ALOX5: variants seen among roughly 807,000 people sequenced by gnomAD.
ALOX5 encodes polyunsaturated fatty acid 5-lipoxygenase.
In ALOX5, 64 loss-of-function variants were observed where a neutral mutation model predicts 87.9. The observed-to-expected ratio is 0.73, with a 90% CI of 0.60 to 0.90. The LOEUF is 0.90. Among genes scored for constraint, ALOX5 ranks in the 40% least tolerant of loss-of-function variants. The pLI is 0.00. For missense variants in ALOX5, 822 were observed against 907.5 expected (o/e 0.91, Z 1.21); for synonymous variants, 388 against 355.1 (o/e 1.09, Z -1.04).
At chr10:45,405,759 CA>C (rs1840861489) in intron 3 of ALOX5, among the ~76,000 whole-genome samples, 2 of 141,284 alleles carry the variant, frequency 1.4e-5, no homozygotes, top group Admixed American at 7.2e-5. Context: ...TTTTTTGAGA[CA>C]GAGTCTTGCT....
At chr10:45,423,896 G>C (rs941274988) in intron 4 of ALOX5, 145 bp from the exon 5 acceptor site, 1 of 686,714 alleles carries the variant, frequency 1.5e-6, no homozygotes, top group African/African-American at 1.8e-5. Flanking sequence ...TTTCTGACCT[G>C]GTTCTGAAAA....
chr10:45,376,161 G>A (rs1040018150), intron 1 of ALOX5, among the ~76,000 whole-genome samples: 4 of 152,172 alleles, frequency 2.6e-5, no homozygotes, highest in African/African-American at 9.7e-5. Flanking sequence ...AAAGAGTGAA[G>A]GCACTGTTTT....
intron 3 of ALOX5, among the ~76,000 whole-genome samples, chr10:45,400,327 C>T (rs1480092502): frequency 3.3e-5 from 5 of 152,282 alleles, no homozygotes; most frequent in African/African-American, 4.8e-5. Context: ...ATGCCAAGCG[C>T]GGAGGCTCAC....
intron 3 of ALOX5, among the ~76,000 whole-genome samples, chr10:45,402,891 G>A (rs1840752146): frequency 6.6e-6 from 1 of 152,178 alleles, no homozygotes; most frequent in East Asian, 1.9e-4. Flanking sequence ...TACAAAAGGT[G>A]TTCAACTTCA....
intron 7 of ALOX5, among the ~76,000 whole-genome samples, chr10:45,429,527 C>T (rs1393166194): frequency 6.6e-6 from 1 of 152,226 alleles, no homozygotes; most frequent in Non-Finnish European, 1.5e-5. Context: ...AATCCCTTAC[C>T]CTCGATTCTA....
intron 2 of ALOX5, among the ~76,000 whole-genome samples, chr10:45,395,013 G>T (rs1840445763): frequency 6.6e-6 from 1 of 152,234 alleles, no homozygotes; most frequent in South Asian, 2.1e-4. Context: ...TGGTGGGACT[G>T]TAAACTAGTT....
At chr10:45,420,071 T>C (rs570501313) in intron 4 of ALOX5, among the ~76,000 whole-genome samples, 34 of 152,340 alleles carry the variant, frequency 2.2e-4, no homozygotes, top group Non-Finnish European at 1.3e-4. Context: ...AAAGCACTCA[T>C]AGGAACCACT....
chr10:45,401,322 C>A (rs1358552214), intron 3 of ALOX5, among the ~76,000 whole-genome samples: 1 of 151,886 alleles, frequency 6.6e-6, no homozygotes, highest in Non-Finnish European at 1.5e-5. Flanking sequence ...GAACTTCTTA[C>A]AAGGAATATG....
chr10:45,387,933 G>A (rs1311592124), intron 2 of ALOX5, among the ~76,000 whole-genome samples: 1 of 152,240 alleles, frequency 6.6e-6, no homozygotes, highest in Non-Finnish European at 1.5e-5. Flanking sequence ...TCATCTCACT[G>A]GGGATTGTTG....
rs1564451816 is a variant in ALOX5, at chr10:45,443,720, CA to C, written c.1574-7del. 1 of 1,610,604 alleles carries C rather than the reference CA, an allele frequency of 6.2e-7. No homozygotes were observed. The highest frequency in any genetic ancestry group is 1.3e-5 in the African/African-American group (1 of 74,766). ...CTGGGCCTCAGCCCGCCGGTGGTTC[CA>C]CCCTAGGCTTCCCCAAGTCGGTCAA... On this transcript the variant is annotated splice_polypyrimidine_tract_variant and splice_region_variant and intron_variant, in intron 11 of 13. Coordinates refer to ENST00000374391, the MANE Select transcript of ALOX5 (RefSeq NM_000698.5).
At chr10:45,405,657 G>A (rs1430544545) in intron 3 of ALOX5, among the ~76,000 whole-genome samples, 1 of 151,536 alleles carries the variant, frequency 6.6e-6, no homozygotes, top group East Asian at 1.9e-4. Flanking sequence ...TTCCATCCCA[G>A]TGTTACACAA....
chr10:45,419,584 G>A (rs1268521774), intron 4 of ALOX5, among the ~76,000 whole-genome samples: 1 of 152,248 alleles, frequency 6.6e-6, no homozygotes, highest in Non-Finnish European at 1.5e-5. Context: ...TCCTGAAGGG[G>A]GATGATCGGT....
chr10:45,409,509 GTCTCTCTCTC>G (rs71515351), intron 3 of ALOX5, among the ~76,000 whole-genome samples: 3 of 129,822 alleles, frequency 2.3e-5, no homozygotes, highest in South Asian at 2.6e-4. Flanking sequence ...CTGTCTGTCT[GTCTCTCTCTC>G]TCTCTCTCTC....
Position 45,400,326 on chromosome 10 carries a change from G to A in ALOX5, c.431+4390G>A, listed in dbSNP as rs117653793. The stretch of plus-strand genomic sequence containing the variant: ...CATCAAAAAGGAATGAATGCCAAGC[G>A]CGGAGGCTCACACCTGTAATCCTAG... On this transcript the variant is annotated intron_variant, in intron 3 of 13. Coordinates refer to ENST00000374391, the MANE Select transcript of ALOX5 (RefSeq NM_000698.5). Among the ~76,000 whole-genome samples the A allele has an allele frequency of 8.6e-3, 1,313 of 152,294 alleles. 23 individuals are homozygous for A. Among genetic ancestry groups the A allele is most frequent in the East Asian group, 0.069 (359 of 5,182 alleles).
At chr10:45,375,434 G>T (rs1389591700) in intron 1 of ALOX5, among the ~76,000 whole-genome samples, 1 of 152,198 alleles carries the variant, frequency 6.6e-6, no homozygotes, top group Non-Finnish European at 1.5e-5. Flanking sequence ...TACTGCAGGT[G>T]CGCAGGGAAT....
rs762095751 is a variant in ALOX5 at position 45,440,563 on chromosome 10, C to T, written c.1115C>T (p.Thr372Ile). ...VHQTITHLLR[T>I]HLVSEVFGIA... Reference sequence around the variant, plus strand: ...CAGACCATCACCCACCTTCTGCGAACACATCTGGTGTCTGAGGTTTTTGGC... The same window carrying T: ...CAGACCATCACCCACCTTCTGCGAATACATCTGGTGTCTGAGGTTTTTGGC... Residue 372 changes from threonine (T) to isoleucine (I), a missense_variant, in exon 8 of 14, where the codon ACA becomes ATA. Thr to Ile is a moderately conservative substitution (Grantham distance 89, BLOSUM62 -1). Transcript: ENST00000374391. 5.1e-5 allele frequency: 83 copies of T among 1,614,108 alleles called. No homozygotes were observed. The highest frequency in any genetic ancestry group is 6.9e-5 in the Non-Finnish European group (81 of 1,180,052).
chr10:45,377,444 C>T (rs900211533), intron 1 of ALOX5, among the ~76,000 whole-genome samples: 2 of 151,834 alleles, frequency 1.3e-5, no homozygotes, highest in African/African-American at 4.8e-5. Flanking sequence ...TCTGAATTTT[C>T]CTCTACACTC....
At chr10:45,424,937 G>A (rs1484627719) in intron 5 of ALOX5, 23 bp from the exon 6 acceptor site, 1 of 1,613,394 alleles carries the variant, frequency 6.2e-7, no homozygotes, top group Middle Eastern at 1.6e-4. Context: ...AGCTCAGGGT[G>A]GGCCTCGCTT....
rs572629091 is a variant in ALOX5, at chr10:45,443,087, T to G, written c.1322T>G (p.Met441Arg). ...GGHVQMVQRA[M>R]KDLTYASLCF... The stretch of plus-strand genomic sequence containing the variant: ...CACGTGCAGATGGTGCAGAGGGCCA[T>G]GAAGGACCTGACCTATGCCTCCCTG... Residue 441 changes from methionine (M) to arginine (R), a missense_variant, in exon 10 of 14, where the codon ATG (methionine) becomes AGG (arginine). Transcript: ENST00000374391. The G allele has an allele frequency of 6.2e-7, 1 of 1,613,710 alleles. No individual in the cohort carries two copies. Among genetic ancestry groups the G allele is most frequent in the Non-Finnish European group, 8.5e-7 (1 of 1,179,992 alleles).
Sources: allele counts gnomAD v4.1 joint callset (sites outside exome capture counted in the v4.1 genomes callset), GRCh38; gene constraint gnomAD v4.1.1; transcripts MANE v1.5; gene names NCBI Gene and HGNC (gene_info 2026-07-23, HGNC 2026-07-21).